DGKG: variants seen among roughly 807,000 people sequenced by gnomAD.
DGKG encodes the protein diacylglycerol kinase gamma.
A neutral mutation model predicts 105.3 loss-of-function variants in DGKG; 78 were observed. The ratio of observed to expected loss-of-function variants is 0.74; its 90% CI spans 0.62 to 0.89. The LOEUF (loss-of-function observed/expected upper bound fraction) is 0.89. Among genes scored for constraint, DGKG ranks in the 40% least tolerant of loss-of-function variants. DGKG has a pLI of 0.00. For synonymous variants in DGKG, 346 were observed against 367.1 expected, an observed-to-expected ratio of 0.94 and a Z score of 0.66; for missense variants, 958 against 1,020.1, an observed-to-expected ratio of 0.94 and a Z score of 0.83.
chr3:186,198,451 C>T (rs1718289797), intron 21 of DGKG, among the ~76,000 whole-genome samples: 1 of 152,242 alleles, frequency 6.6e-6, no homozygotes, highest in South Asian at 2.1e-4. Flanking sequence ...TGAGAACCTA[C>T]TTATTCTGTG....
intron 5 of DGKG, among the ~76,000 whole-genome samples, chr3:186,292,017 T>C (rs1578785558): frequency 1.3e-5 from 2 of 152,292 alleles, no homozygotes; most frequent in South Asian, 2.1e-4. Context: ...GTCTCATTAG[T>C]GTCCTTCCTC....
intron 16 of DGKG, 68 bp from the exon 17 acceptor site, chr3:186,258,007 G>A (rs1406749638): frequency 1.7e-6 from 2 of 1,148,888 alleles, no homozygotes; most frequent in African/African-American, 3.0e-5. Context: ...TACATGTTGA[G>A]TCAGAGTCTG....
Position 186,188,192 on chromosome 3 carries a change from C to T in DGKG, c.2095+10G>A, listed in dbSNP as rs757659817. The T allele has an allele frequency of 1.9e-6, 3 of 1,614,092 alleles. No homozygotes were observed. In the Admixed American group the frequency reaches 5.0e-5, roughly 27 times the overall value. Reference sequence around the variant, plus strand: ...TTGACCTAAAACAATTATCCTCATTCCTGGCTTACCTTGAACGCAGAATTT... The same window carrying T: ...TTGACCTAAAACAATTATCCTCATTTCTGGCTTACCTTGAACGCAGAATTT... On this transcript the variant is annotated intron_variant, in intron 22 of 24. Transcript: ENST00000265022.
intron 19 of DGKG, among the ~76,000 whole-genome samples, chr3:186,248,696 T>C (rs1189522074): frequency 6.6e-6 from 1 of 152,186 alleles, no homozygotes; most frequent in Non-Finnish European, 1.5e-5. Flanking sequence ...TCAAACCATG[T>C]TACATTTGGC....
At chr3:186,342,895 G>A (rs2108662276) in intron 1 of DGKG, among the ~76,000 whole-genome samples, 1 of 152,256 alleles carries the variant, frequency 6.6e-6, no homozygotes, top group Middle Eastern at 3.4e-3. Context: ...AAATGTGCCT[G>A]CAGGCTCACC....
intron 7 of DGKG, 123 bp from the exon 8 acceptor site, chr3:186,280,867 G>T (rs1205976177): frequency 2.8e-6 from 2 of 713,332 alleles, no homozygotes; most frequent in East Asian, 5.4e-5. Context: ...AGAAGCTGGT[G>T]CAGTAACTGC....
chr3:186,235,114 G>T (rs556058436), intron 20 of DGKG, among the ~76,000 whole-genome samples: 34 of 152,234 alleles, frequency 2.2e-4, no homozygotes, highest in Admixed American at 1.8e-3. Context: ...GAGGGTGGGG[G>T]ACAAAACATT....
chr3:186,189,416 T>G (rs1717799465), intron 21 of DGKG, among the ~76,000 whole-genome samples: 1 of 152,206 alleles, frequency 6.6e-6, no homozygotes, highest in Non-Finnish European at 1.5e-5. Flanking sequence ...TTCCTCAGGA[T>G]AGTAGGTAGT....
At chr3:186,309,711 G>GTGGAGTAA (rs1724425457) in intron 2 of DGKG, among the ~76,000 whole-genome samples, 1 of 152,172 alleles carries the variant, frequency 6.6e-6, no homozygotes, top group African/African-American at 2.4e-5. Context: ...TTGAGAACCA[G>GTGGAGTAA]TGGAGTAATT....
chr3:186,184,463 G>C (rs1560084881), intron 22 of DGKG, among the ~76,000 whole-genome samples: 1 of 151,894 alleles, frequency 6.6e-6, no homozygotes, highest in Non-Finnish European at 1.5e-5. Flanking sequence ...GCAGTGGTGT[G>C]ATCTCAGCTC....
intron 21 of DGKG, chr3:186,207,484 C>T (rs1718802885): frequency 1.0e-6 from 1 of 985,342 alleles, no homozygotes; most frequent in Admixed American, 6.1e-5. Flanking sequence ...CCACTTAGGG[C>T]TGCTTTGCAG....
chr3:186,190,136 C>T (rs867719713), intron 21 of DGKG, among the ~76,000 whole-genome samples: 49 of 152,184 alleles, frequency 3.2e-4, no homozygotes, highest in African/African-American at 1.2e-3. Flanking sequence ...TCACAACTTA[C>T]AAGTGGAAGT....
chr3:186,190,386 G>T (rs1482792231), intron 21 of DGKG, among the ~76,000 whole-genome samples: 1 of 152,204 alleles, frequency 6.6e-6, no homozygotes, highest in Non-Finnish European at 1.5e-5. Flanking sequence ...TCTAATGGGG[G>T]CAGGTGGCTA....
chr3:186,306,691 T>C (rs541962980), intron 3 of DGKG: 1,016 of 510,828 alleles, frequency 2.0e-3, no homozygotes, highest in Non-Finnish European at 3.2e-3. Flanking sequence ...AGAGGAGAAG[T>C]AGTGGTAGTC....
At chr3:186,356,008 A>G (rs955813584) in intron 1 of DGKG, among the ~76,000 whole-genome samples, 2 of 152,230 alleles carry the variant, frequency 1.3e-5, no homozygotes, top group Admixed American at 1.3e-4. Flanking sequence ...TGGACGGAAG[A>G]TCAAGGAAAT....
chr3:186,302,487 T>TACACACACAC (rs1203305373), intron 3 of DGKG, among the ~76,000 whole-genome samples: 5 of 8,860 alleles, frequency 5.6e-4, no homozygotes, highest in African/African-American at 2.5e-3. Context: ...TATATATATA[T>TACACACACAC]ATATATATAT....
chr3:186,250,895 A>T (rs1281226561), intron 19 of DGKG, among the ~76,000 whole-genome samples: 1 of 151,524 alleles, frequency 6.6e-6, no homozygotes, highest in Non-Finnish European at 1.5e-5. Flanking sequence ...TCTTTGTTGC[A>T]CTCCCACCCC....
chr3:186,327,528 T>G (rs1163403741), intron 1 of DGKG, among the ~76,000 whole-genome samples: 1 of 151,546 alleles, frequency 6.6e-6, no homozygotes, highest in African/African-American at 2.4e-5. Context: ...GCCCTCCCAG[T>G]AGAGTAGCTG....
rs1411363183 is a variant in DGKG, at chr3:186,231,099, G to C, written c.1826+11405C>G. ...ATTCTTTCCTGAACTGAGATGAAGAGTAAGGAGGTGCAGTCACTATTTCCT... is the reference window on the plus strand; with the variant it reads ...ATTCTTTCCTGAACTGAGATGAAGACTAAGGAGGTGCAGTCACTATTTCCT... On this transcript the variant is annotated intron_variant, in intron 20 of 24. Transcript: ENST00000265022. The surrounding 1 kb of genome is among the most constrained non-coding windows in gnomAD (Gnocchi z 4.5). Among the ~76,000 whole-genome samples, 1 of 152,180 alleles carries C rather than the reference G, an allele frequency of 6.6e-6. No homozygotes were observed. Among genetic ancestry groups the C allele is most frequent in the Non-Finnish European group, 1.5e-5 (1 of 68,034 alleles).
Sources: allele counts gnomAD v4.1 joint callset (sites outside exome capture counted in the v4.1 genomes callset), GRCh38; gene constraint gnomAD v4.1.1; non-coding constraint Gnocchi (gnomAD v3.1); transcripts MANE v1.5; gene names NCBI Gene and HGNC (gene_info 2026-07-23, HGNC 2026-07-21).